The following IST1 variants were observed in gnomAD, a reference collection of about 807,000 sequenced individuals.
The protein encoded by IST1 is IST1 factor associated with ESCRT-III.
Under a neutral mutation model 37.0 loss-of-function variants are expected in IST1, and 23 were observed. The ratio of observed to expected loss-of-function variants is 0.62; its 90% CI spans 0.45 to 0.88. The LOEUF (loss-of-function observed/expected upper bound fraction) is 0.88, where lower values mean the gene tolerates loss of function less well. IST1 is among the 40% of genes least tolerant of loss of function. The probability of loss-of-function intolerance (pLI) is 0.00; values close to 1 mark genes in which losing one functional copy is unlikely to be tolerated. For synonymous variants in IST1, 180 were observed against 161.7 expected (o/e 1.11, Z -0.86); for missense variants, 488 against 445.4 (o/e 1.10, Z -0.86).
intron 1 of IST1, among the ~76,000 whole-genome samples, chr16:71,910,781 ATG>A (rs2037336852): frequency 6.6e-6 from 1 of 152,120 alleles, no homozygotes; most frequent in Non-Finnish European, 1.5e-5. Context: ...ACTCAAGTAT[ATG>A]TGAATACATT....
intron 9 of IST1, 112 bp from the exon 10 acceptor site, chr16:71,927,502 A>G: frequency 3.9e-6 from 3 of 776,620 alleles, no homozygotes; most frequent in South Asian, 3.4e-5. Context: ...AAAAAAAAAA[A>G]GTTTGTGAAC....
Position 71,930,311 on chromosome 16 carries a change from G to T in IST1, c.*2498G>T. The T allele has an allele frequency of 2.1e-6, 2 of 930,432 alleles. No individual in the cohort carries two copies. The highest frequency in any genetic ancestry group is 3.0e-6 in the Non-Finnish European group (2 of 667,890). The allele number at this position is 930,432 out of a possible 1,614,324, so 57.6% of individuals were successfully genotyped here. A position where few individuals can be genotyped will look rare whatever the true frequency, so the allele number is the denominator to read the frequency against. On this transcript the variant is annotated 3_prime_UTR_variant, in exon 10 of 10. Transcript: ENST00000378799. ...TATCCGAAGGAAACTTAGGGAGAGA[G>T]TCAAAAGATAATAAGAAGGAAAATA...
intron 1 of IST1, among the ~76,000 whole-genome samples, chr16:71,904,347 T>A (rs535218415): frequency 6.6e-6 from 1 of 152,312 alleles, no homozygotes; most frequent in South Asian, 2.1e-4. Flanking sequence ...GATCTCGAAC[T>A]CCTGACCTAA....
At chr16:71,919,696 T>C (rs2037538018) in intron 4 of IST1, among the ~76,000 whole-genome samples, 1 of 152,176 alleles carries the variant, frequency 6.6e-6, no homozygotes, top group South Asian at 2.1e-4. Flanking sequence ...CTGGCCTTAG[T>C]CATCCTTTAA....
At chr16:71,919,840 T>A (rs1324658836) in intron 4 of IST1, among the ~76,000 whole-genome samples, 1 of 152,196 alleles carries the variant, frequency 6.6e-6, no homozygotes, top group Non-Finnish European at 1.5e-5. Flanking sequence ...CAGTTGTACC[T>A]TTATCTGTGT....
intron 2 of IST1, 25 bp downstream of exon 2, chr16:71,915,753 A>C: frequency 6.8e-7 from 1 of 1,462,586 alleles, no homozygotes; most frequent in East Asian, 2.3e-5. Context: ...TTTTTTCCCC[A>C]AAAATAAATC....
chr16:71,895,027 T>G, upstream of IST1: 1 of 519,846 alleles, frequency 1.9e-6, no homozygotes, highest in Non-Finnish European at 3.4e-6. Flanking sequence ...TTAGAGCCCG[T>G]AGAGGGACAC....
chr16:71,919,906 T>C (rs991364568), intron 4 of IST1, among the ~76,000 whole-genome samples: 2 of 152,194 alleles, frequency 1.3e-5, no homozygotes, highest in Non-Finnish European at 2.9e-5. Flanking sequence ...AGCACTCAAA[T>C]ATAAATTTAT....
rs542498007 is a variant in IST1, at chr16:71,922,139, CA to C, written c.553-324del. ...TGGGTGACAGAGTGAGACTCCGTCT[CA>C]AAAAAAAAAACCATCCGCCAGTTAA... On this transcript the variant is annotated intron_variant, in intron 6 of 9. Coordinates refer to ENST00000378799, the MANE Select transcript of IST1 (RefSeq NM_001270975.2). Among the ~76,000 whole-genome samples the C allele has an allele frequency of 3.4e-3, 488 of 143,066 alleles. 3 individuals are homozygous for C. Among genetic ancestry groups the C allele is most frequent in the African/African-American group, 0.012 (452 of 39,092 alleles). The allele number at this position is 143,066 out of a possible 152,430, so 93.9% of individuals were successfully genotyped here.
chr16:71,896,960 C>A (rs933600403), intron 1 of IST1, among the ~76,000 whole-genome samples: 6 of 132,660 alleles, frequency 4.5e-5, no homozygotes, highest in Admixed American at 8.3e-5. Flanking sequence ...CAGAGTGAGA[C>A]CCTGTGTAAA....
intron 4 of IST1, among the ~76,000 whole-genome samples, 159 bp downstream of exon 4, chr16:71,917,293 T>C (rs1433770117): frequency 6.6e-6 from 1 of 151,052 alleles, no homozygotes; most frequent in East Asian, 1.9e-4. Flanking sequence ...TTCAGCCTTA[T>C]ATCGTAGAAT....
chr16:71,924,642 G>GT, intron 8 of IST1, 127 bp from the exon 9 acceptor site: 1 of 735,622 alleles, frequency 1.4e-6, no homozygotes, highest in South Asian at 1.6e-5. Flanking sequence ...TGCAGGGGCA[G>GT]TTTCTTTGGA....
chr16:71,904,323 A>C (rs1173439310), intron 1 of IST1, among the ~76,000 whole-genome samples: 1 of 152,094 alleles, frequency 6.6e-6, no homozygotes, highest in African/African-American at 2.4e-5. Flanking sequence ...GGGTTTCGTC[A>C]TGTTGACCAG....
chr16:71,908,525 C>T (rs915416679), intron 1 of IST1, among the ~76,000 whole-genome samples: 12 of 152,090 alleles, frequency 7.9e-5, no homozygotes, highest in African/African-American at 2.9e-4. Flanking sequence ...TCGAATACCA[C>T]CCGCCTTGGC....
intron 6 of IST1, 96 bp downstream of exon 6, chr16:71,921,549 G>T: frequency 1.4e-6 from 1 of 726,974 alleles, no homozygotes. Context: ...TTAAATTTGT[G>T]TGAGTTTAAG....
chr16:71,902,578 A>G (rs8051875), intron 1 of IST1, among the ~76,000 whole-genome samples: 7,136 of 152,200 alleles, frequency 0.047, 536 homozygotes, highest in African/African-American at 0.16. Context: ...CCTAGATTCA[A>G]TTTTTGTAAT....
intron 1 of IST1, among the ~76,000 whole-genome samples, chr16:71,899,875 T>A (rs947401898): frequency 5.9e-5 from 9 of 151,694 alleles, no homozygotes; most frequent in Non-Finnish European, 1.2e-4. Flanking sequence ...TATAAAAAAT[T>A]AGCTGGGTAT....
intron 1 of IST1, among the ~76,000 whole-genome samples, chr16:71,912,570 A>G (rs2037382286): frequency 6.6e-6 from 1 of 152,186 alleles, no homozygotes; most frequent in South Asian, 2.1e-4. Flanking sequence ...CTATGTTAAT[A>G]GTTTTATTTT....
At position 71,923,366 on chromosome 16, in the gene IST1, C is replaced by A; in HGVS notation, c.838C>A (p.Pro280Thr). The A allele has an allele frequency of 6.2e-7, 1 of 1,605,442 alleles. No homozygotes were observed. Among genetic ancestry groups the A allele is most frequent in the East Asian group, 2.2e-5 (1 of 44,768 alleles). ...TCCACCTCAGATACCAGCAACTCCC[C>A]CATCGTATGAATCTGTAAGTGCCTG... is the stretch of plus-strand genomic sequence containing the variant. ...IHPPQIPATP[P>T]SYESVDDINA... Residue 280 changes from proline (P) to threonine (T), a missense_variant, in exon 8 of 10, where the codon CCA becomes ACA. Physicochemically the swap from Pro to Thr is conservative, Grantham distance 38. Transcript: ENST00000378799.
Sources: allele counts gnomAD v4.1 joint callset (sites outside exome capture counted in the v4.1 genomes callset), GRCh38; gene constraint gnomAD v4.1.1; transcripts MANE v1.5; gene names NCBI Gene and HGNC (gene_info 2026-07-23, HGNC 2026-07-21).